Variants in EPB41L3 observed in about 807,000 individuals in gnomAD.
The protein encoded by EPB41L3 is band 4.1-like protein 3.
Under a neutral mutation model 127.1 loss-of-function variants are expected in EPB41L3, and 57 were observed. The observed-to-expected ratio is 0.45, with a 90% CI of 0.36 to 0.56. The LOEUF (loss-of-function observed/expected upper bound fraction) is 0.56. Among genes scored for constraint, EPB41L3 ranks in the 20% least tolerant of loss-of-function variants. The pLI, the probability that EPB41L3 is intolerant of heterozygous loss-of-function variation, is 0.00. For synonymous variants in EPB41L3, 572 were observed against 549.5 expected (o/e 1.04, Z -0.57); for missense variants, 1,273 against 1,372.2 (o/e 0.93, Z 1.14).
chr18:5,462,935 T>C (rs2084288524), intron 3 of EPB41L3, among the ~76,000 whole-genome samples: 1 of 152,192 alleles, frequency 6.6e-6, no homozygotes, highest in Non-Finnish European at 1.5e-5. Flanking sequence ...CATAAACTTT[T>C]TCTCTTGTAT....
intron 18 of EPB41L3, 41 bp from the exon 19 acceptor site, chr18:5,396,373 G>T: frequency 1.2e-6 from 2 of 1,612,062 alleles, no homozygotes; most frequent in East Asian, 2.2e-5. Flanking sequence ...GTTATAGTTT[G>T]CATGAACACA....
intron 2 of EPB41L3, 98 bp from the exon 3 acceptor site, chr18:5,478,536 G>A (rs907756298): frequency 3.8e-6 from 4 of 1,048,472 alleles, no homozygotes; most frequent in African/African-American, 1.6e-5. Context: ...ATTTCATAGA[G>A]GAGAGGTATT....
intron 13 of EPB41L3, among the ~76,000 whole-genome samples, chr18:5,412,237 A>T (rs1803089351): frequency 1.3e-5 from 2 of 152,042 alleles, no homozygotes; most frequent in Non-Finnish European, 2.9e-5. Context: ...TCGCTCTGTC[A>T]CCCTGGCTGG....
At chr18:5,519,156 C>T (rs529145032) in intron 1 of EPB41L3, among the ~76,000 whole-genome samples, 1 of 152,332 alleles carries the variant, frequency 6.6e-6, no homozygotes, top group East Asian at 1.9e-4. Context: ...AACAAATCTT[C>T]AATAGCTGTT....
chr18:5,485,753 A>G lies in EPB41L3; in HGVS notation c.183+3248T>C, dbSNP rs1433111636. Among the ~76,000 whole-genome samples, 3 of 152,062 alleles carry G rather than the reference A, an allele frequency of 2.0e-5. No homozygotes were observed. The East Asian group carries it at 5.8e-4, about 29-fold the overall frequency. On this transcript the variant is annotated intron_variant, in intron 2 of 22. Coordinates refer to ENST00000341928, the MANE Select transcript of EPB41L3 (RefSeq NM_012307.5). ...ATCCTATTTACAATAGCTACAAAAT[A>G]TAAAATACCTAGGAAGCAATCTAAC...
chr18:5,617,354 T>TGTC (rs1404363216), intron 1 of EPB41L3, among the ~76,000 whole-genome samples: 1 of 151,410 alleles, frequency 6.6e-6, no homozygotes, highest in African/African-American at 2.4e-5. Context: ...AGTCTCACTC[T>TGTC]GTCGCCCAGG....
At chr18:5,616,400 C>G (rs545921505) in intron 1 of EPB41L3, among the ~76,000 whole-genome samples, 1 of 152,136 alleles carries the variant, frequency 6.6e-6, no homozygotes, top group Admixed American at 6.5e-5. Flanking sequence ...CTGGAGCGAT[C>G]ACTAAAAAAA....
Position 5,410,614 on chromosome 18 carries a change from G to C in EPB41L3, c.2073C>G (p.Asp691Glu). The C allele has an allele frequency of 1.9e-6, 3 of 1,613,444 alleles. No individual in the cohort carries two copies. Among genetic ancestry groups the C allele is most frequent in the Non-Finnish European group, 2.5e-6 (3 of 1,179,576 alleles). Residue 691 changes from aspartate (D) to glutamate (E), a missense_variant, in exon 14 of 23, where the codon GAC becomes GAG. Physicochemically the swap from Asp to Glu is conservative, Grantham distance 45 (BLOSUM62 2). Coordinates refer to ENST00000341928, the MANE Select transcript of EPB41L3 (RefSeq NM_012307.5). ...CGGCTGCGGTGTCCGTGCGCTCACTGTCAGTCTGTTGACCACAGAAGTGAT... is the reference window on the plus strand; with the variant it reads ...CGGCTGCGGTGTCCGTGCGCTCACTCTCAGTCTGTTGACCACAGAAGTGAT... Reference protein sequence around the residue: ...DPSDSSEEETDSERTDTAADG... With the variant: ...DPSDSSEEETESERTDTAADG...
chr18:5,547,869 T>C (rs2093906543), upstream of EPB41L3, among the ~76,000 whole-genome samples: 1 of 152,242 alleles, frequency 6.6e-6, no homozygotes. Flanking sequence ...GACAGCCATG[T>C]TGTCAGCCTT....
chr18:5,465,137 G>T (rs901708307), intron 3 of EPB41L3, among the ~76,000 whole-genome samples: 1 of 152,210 alleles, frequency 6.6e-6, no homozygotes, highest in South Asian at 2.1e-4. Flanking sequence ...AAACAGGACA[G>T]TGTGAGAAAA....
At chr18:5,577,927 T>C (rs1305536276) in intron 3 of EPB41L3, among the ~76,000 whole-genome samples, 3 of 152,204 alleles carry the variant, frequency 2.0e-5, no homozygotes, top group Admixed American at 6.5e-5. Context: ...TCTCCCCTTG[T>C]ACTTTCTTTC....
intron 3 of EPB41L3, among the ~76,000 whole-genome samples, chr18:5,591,013 C>T (rs2094480755): frequency 6.6e-6 from 1 of 151,858 alleles, no homozygotes; most frequent in Non-Finnish European, 1.5e-5. Flanking sequence ...TCTGTACATA[C>T]AGAAGTACAG....
At chr18:5,564,998 A>G (rs905057094) in intron 3 of EPB41L3, among the ~76,000 whole-genome samples, 2 of 152,218 alleles carry the variant, frequency 1.3e-5, no homozygotes, top group Non-Finnish European at 2.9e-5. Context: ...ATAGCAAAAT[A>G]TTTATTATTT....
rs1398313439 is a variant in EPB41L3, at chr18:5,543,745, C to T, written c.-12+168G>A. On this transcript the variant is annotated intron_variant, in intron 1 of 22. Coordinates refer to ENST00000341928, the MANE Select transcript of EPB41L3 (RefSeq NM_012307.5). This position sits in a 1 kb window ranked among gnomAD's most constrained non-coding sequence, Gnocchi z 5.2. ...CGAGCGGGAGGGCGGTTGGGGACCC[C>T]GGCCGCGCCGGGCGCGGGGCTCGGG... Among the ~76,000 whole-genome samples the T allele has an allele frequency of 2.0e-5, 3 of 148,462 alleles. No homozygotes were observed. Among genetic ancestry groups the T allele is most frequent in the Admixed American group, 6.7e-5 (1 of 14,978 alleles).
chr18:5,541,591 AC>A (rs1413615508), intron 1 of EPB41L3, among the ~76,000 whole-genome samples: 1 of 152,184 alleles, frequency 6.6e-6, no homozygotes, highest in African/African-American at 2.4e-5. Flanking sequence ...CATTTGACCA[AC>A]CAGTTTTTAA....
intron 1 of EPB41L3, 84 bp from the exon 2 acceptor site, chr18:5,489,278 G>T (rs1026725381): frequency 7.5e-6 from 11 of 1,470,804 alleles, no homozygotes; most frequent in Non-Finnish European, 8.1e-6. Flanking sequence ...CACCGTGAAA[G>T]GCTCAAGAGA....
intron 3 of EPB41L3, among the ~76,000 whole-genome samples, chr18:5,454,472 G>A (rs1012484183): frequency 6.6e-6 from 1 of 152,092 alleles, no homozygotes; most frequent in East Asian, 1.9e-4. Context: ...ACTACTGCCA[G>A]AATCCATTCT....
At position 5,478,423 on chromosome 18, in the gene EPB41L3, GTTCC is replaced by G; in HGVS notation, c.195_198del (p.Lys65AsnfsTer17). 1 of 1,614,122 alleles carries G rather than the reference GTTCC, an allele frequency of 6.2e-7. No homozygotes were observed. Among genetic ancestry groups the G allele is most frequent in the Non-Finnish European group, 8.5e-7 (1 of 1,180,018 alleles). On this transcript the variant is annotated frameshift_variant, in exon 3 of 23. Transcript: ENST00000341928. LOFTEE classifies it high-confidence loss of function. Reference sequence around the variant, plus strand: ...TTTGCAGCCCTGGCAGCAAACTCCTGTTCCTTGTCAGTGACCTGTGAAGAGCAAA... The same window carrying G: ...TTTGCAGCCCTGGCAGCAAACTCCTGTTGTCAGTGACCTGTGAAGAGCAAA...
intron 16 of EPB41L3, chr18:5,398,493 G>T: frequency 2.5e-6 from 1 of 403,914 alleles, no homozygotes. Context: ...CTGCGGTATT[G>T]ATTTAACCAT....
Sources: allele counts gnomAD v4.1 joint callset (sites outside exome capture counted in the v4.1 genomes callset), GRCh38; gene constraint gnomAD v4.1.1; non-coding constraint Gnocchi (gnomAD v3.1); transcripts MANE v1.5; gene names NCBI Gene and HGNC (gene_info 2026-07-23, HGNC 2026-07-21).